HYDIN: variants seen among roughly 807,000 people sequenced by gnomAD.
HYDIN encodes HYDIN axonemal central pair apparatus protein.
In HYDIN, 132 loss-of-function variants were observed where a neutral mutation model predicts 403.9. That is an observed-to-expected ratio of 0.33 (90% confidence interval 0.28 to 0.38). The LOEUF is 0.38. Ranked by LOEUF, HYDIN falls within the 10% of genes least tolerant of loss-of-function variation. HYDIN has a pLI of 1.00. For missense variants in HYDIN, 2,827 were observed against 5,009.5 expected (o/e 0.56, Z 13.15); for synonymous variants, 1,202 against 1,891.7 (o/e 0.64, Z 9.46).
intron 42 of HYDIN, among the ~76,000 whole-genome samples, chr16:70,942,490 C>T (rs2077710799): frequency 6.6e-6 from 1 of 152,162 alleles, no homozygotes; most frequent in East Asian, 1.9e-4. Context: ...GGGGGAGCAG[C>T]TGGGCCTTTT....
intron 1 of HYDIN, among the ~76,000 whole-genome samples, chr16:71,205,633 G>A (rs1263700973): frequency 6.6e-6 from 1 of 152,206 alleles, no homozygotes; most frequent in African/African-American, 2.4e-5. Context: ...TGCCAGCCAG[G>A]GCTCAGTGTC....
In HYDIN at chr16:71,211,641, C is replaced by CA. The variant is rs548855002; in HGVS notation, c.-24+18920dup. Among the ~76,000 whole-genome samples, 291 of 49,620 alleles carry CA rather than the reference C, an allele frequency of 5.9e-3. 2 individuals carry two copies. Among genetic ancestry groups the CA allele is most frequent in the East Asian group, 0.024 (36 of 1,504 alleles). 32.6% of individuals were successfully genotyped at this position (49,620 alleles called of 152,430 possible). On this transcript the variant is annotated intron_variant, in intron 1 of 85. Coordinates refer to ENST00000393567, the MANE Select transcript of HYDIN (RefSeq NM_001270974.2). Reference sequence around the variant, plus strand: ...TGGGCGACAGAGTGAGACTCCATCTCAAAAAAAAAAAAAAAAAAATCTCCC... The same window carrying CA: ...TGGGCGACAGAGTGAGACTCCATCTCAAAAAAAAAAAAAAAAAAAATCTCCC...
At chr16:70,993,220 TC>T (rs1254896489) in intron 23 of HYDIN, among the ~76,000 whole-genome samples, 1 of 152,186 alleles carries the variant, frequency 6.6e-6, no homozygotes, top group Admixed American at 6.5e-5. Flanking sequence ...ATTTCAGGGA[TC>T]CTAGAGTATC....
At chr16:71,173,054 G>A (rs999392392) in intron 5 of HYDIN, among the ~76,000 whole-genome samples, 1 of 152,154 alleles carries the variant, frequency 6.6e-6, no homozygotes, top group Admixed American at 6.5e-5. Context: ...AGCGAATGTA[G>A]ATAACTGACT....
chr16:71,175,758 GA>G lies in HYDIN; in HGVS notation c.382-18del, dbSNP rs1275093409. ...CCTTGGAATCTGCAGGGAAACACAT[GA>G]TGATGAACATCGTGCATGTGAAAAA... On this transcript the variant is annotated intron_variant, in intron 4 of 85. Transcript: ENST00000393567. 1 of 1,613,602 alleles carries G rather than the reference GA, an allele frequency of 6.2e-7. No individual in the cohort carries two copies. Among genetic ancestry groups the G allele is most frequent in the Non-Finnish European group, 8.5e-7 (1 of 1,179,590 alleles).
chr16:70,872,305 C>T, intron 64 of HYDIN, 126 bp from the exon 65 acceptor site: 1 of 537,362 alleles, frequency 1.9e-6, no homozygotes, highest in Non-Finnish European at 3.3e-6. Flanking sequence ...ATTTGAGAAA[C>T]CTAGAATCTC....
chr16:71,098,294 C>T (rs1474128583), intron 10 of HYDIN, among the ~76,000 whole-genome samples: 4 of 151,484 alleles, frequency 2.6e-5, no homozygotes, highest in Non-Finnish European at 5.9e-5. Context: ...CTCCGCCTCC[C>T]AGGTTCACGC....
chr16:71,153,207 T>A lies in HYDIN; in HGVS notation c.717-424A>T, dbSNP rs148714618. Among the ~76,000 whole-genome samples, 365 of 152,240 alleles carry A rather than the reference T, an allele frequency of 2.4e-3. 2 individuals carry two copies. The highest frequency in any genetic ancestry group is 8.3e-3 in the African/African-American group (346 of 41,546). On this transcript the variant is annotated intron_variant, in intron 6 of 85. Transcript: ENST00000393567. ...TTGTCATTTTCAAAAGAACAGTGCC[T>A]TCAAAGGGATAAAAATCGAGTTTTG...
In HYDIN at chr16:70,959,725, T is replaced by A. The variant is rs1385587965; in HGVS notation, c.6064A>T (p.Ile2022Phe). Reference sequence around the variant, plus strand: ...AGGCGGCCTTCTGCAGAAATGTCAATGCCCAGGTGGCGAGCGATTGCTTTG... The same window carrying A: ...AGGCGGCCTTCTGCAGAAATGTCAAAGCCCAGGTGGCGAGCGATTGCTTTG... Reference protein sequence around the residue: ...VSKAIARHLGIDISAEGRLAK... With the variant: ...VSKAIARHLGFDISAEGRLAK... Residue 2022 changes from isoleucine to phenylalanine, a missense_variant, in exon 39 of 86, where the codon ATT becomes TTT. Ile to Phe is a conservative substitution (Grantham distance 21). Transcript: ENST00000393567. 9 of 1,123,802 alleles carry A rather than the reference T, an allele frequency of 8.0e-6. No homozygotes were observed. Among genetic ancestry groups the A allele is most frequent in the Non-Finnish European group, 8.6e-6 (7 of 810,670 alleles). 69.6% of individuals were successfully genotyped at this position (1,123,802 alleles called of 1,614,324 possible).
At chr16:70,847,784 C>A (rs7203926) in intron 75 of HYDIN, among the ~76,000 whole-genome samples, 2 of 151,682 alleles carry the variant, frequency 1.3e-5, no homozygotes, top group Non-Finnish European at 2.9e-5. Flanking sequence ...TGAGTTTATC[C>A]CACTCAGAAT....
At chr16:71,009,535 T>A (rs1253621345) in intron 23 of HYDIN, among the ~76,000 whole-genome samples, 2 of 151,956 alleles carry the variant, frequency 1.3e-5, no homozygotes, top group Non-Finnish European at 2.9e-5. Context: ...TCTGAATAGG[T>A]TGGATAAGGG....
At chr16:71,210,081 C>A (rs1267057070) in intron 1 of HYDIN, among the ~76,000 whole-genome samples, 2 of 152,164 alleles carry the variant, frequency 1.3e-5, no homozygotes, top group Non-Finnish European at 2.9e-5. Flanking sequence ...TTAGCTCAAC[C>A]ATTCTAGAAA....
chr16:70,902,821 A>ATATATTTTTTT, intron 52 of HYDIN, among the ~76,000 whole-genome samples: 9 of 47,302 alleles, frequency 1.9e-4, no homozygotes, highest in Admixed American at 1.0e-3. Context: ...ATATATATAT[A>ATATATTTTTTT]TTTTTTTTTT....
chr16:70,901,770 C>T (rs113536312), intron 52 of HYDIN, among the ~76,000 whole-genome samples: 1 of 151,806 alleles, frequency 6.6e-6, no homozygotes, highest in South Asian at 2.1e-4. Context: ...ATTTTTAGTA[C>T]AGACGGGGTT....
chr16:71,210,545 AG>A (rs1454578968), intron 1 of HYDIN, among the ~76,000 whole-genome samples: 1 of 152,136 alleles, frequency 6.6e-6, no homozygotes, highest in African/African-American at 2.4e-5. Flanking sequence ...GAAAAAAAAA[AG>A]CTTTCAGGTA....
intron 21 of HYDIN, among the ~76,000 whole-genome samples, chr16:71,021,566 G>C (rs1041081167): frequency 1.3e-5 from 2 of 152,088 alleles, no homozygotes; most frequent in African/African-American, 4.8e-5. Flanking sequence ...CTCGAGTTGA[G>C]AGTTTCTGGC....
intron 67 of HYDIN, chr16:70,865,002 A>G: frequency 5.5e-6 from 1 of 182,820 alleles, no homozygotes; most frequent in Non-Finnish European, 1.1e-5. Context: ...ACATTTCTTG[A>G]CATTTATCTT....
intron 1 of HYDIN, among the ~76,000 whole-genome samples, chr16:71,197,221 T>C (rs1297513683): frequency 6.6e-6 from 1 of 152,200 alleles, no homozygotes; most frequent in East Asian, 1.9e-4. Flanking sequence ...TTTGTTCTGT[T>C]TCCCTAGAAA....
At chr16:70,922,408 A>G (rs997010114) in intron 45 of HYDIN, among the ~76,000 whole-genome samples, 2 of 152,228 alleles carry the variant, frequency 1.3e-5, no homozygotes, top group South Asian at 2.1e-4. Context: ...CAATTTTAAC[A>G]ACATGATTAA....
Sources: allele counts gnomAD v4.1 joint callset (sites outside exome capture counted in the v4.1 genomes callset), GRCh38; gene constraint gnomAD v4.1.1; transcripts MANE v1.5; gene names NCBI Gene and HGNC (gene_info 2026-07-23, HGNC 2026-07-21).